The following VWA3A variants were observed in gnomAD, a reference collection of about 807,000 sequenced individuals.
VWA3A encodes the protein von Willebrand factor A domain containing 3A.
Under a neutral mutation model 160.4 loss-of-function variants are expected in VWA3A, and 134 were observed. The observed-to-expected ratio is 0.84, with a 90% CI of 0.73 to 0.96. The LOEUF (loss-of-function observed/expected upper bound fraction) is 0.96, where lower values mean the gene tolerates loss of function less well. VWA3A is among the 40% of genes least tolerant of loss of function. VWA3A has a pLI of 0.00. For missense variants in VWA3A, 1,310 were observed against 1,447.9 expected, an observed-to-expected ratio of 0.90 and a Z score of 1.55; for synonymous variants, 476 against 543.4, an observed-to-expected ratio of 0.88 and a Z score of 1.72.
rs1812079013 is a variant in VWA3A at position 22,156,710 on chromosome 16, C to G, written c.*693C>G. 1 of 152,190 alleles carries G rather than the reference C, an allele frequency of 6.6e-6. No homozygotes were observed. The highest frequency in any genetic ancestry group is 6.5e-5 in the Admixed American group (1 of 15,284). 9.4% of individuals were successfully genotyped at this position (152,190 alleles called of 1,614,324 possible). ...GAGGCTAATGCAGAGTCACAGTCAG[C>G]CCATCCTGGGGGAAGAAGAAACAAG... On this transcript the variant is annotated 3_prime_UTR_variant, in exon 34 of 34. Coordinates refer to ENST00000389398, the MANE Select transcript of VWA3A (RefSeq NM_173615.5).
intron 5 of VWA3A, among the ~76,000 whole-genome samples, chr16:22,102,596 C>T (rs2045423272): frequency 6.6e-6 from 1 of 152,150 alleles, no homozygotes; most frequent in African/African-American, 2.4e-5. Flanking sequence ...TCATTGCAAG[C>T]CAGGCATGCA....
rs1214863851 is a variant in VWA3A, at chr16:22,103,513, C to T, written c.467C>T (p.Thr156Ile). The change falls in exon 6 of 34, where the codon ACA (threonine) becomes ATA (isoleucine). Residue 156 changes from threonine to isoleucine, a missense_variant. Transcript: ENST00000389398. ...EVYQERIQWL[T>I]ENSKKAFGLI... Reference sequence around the variant, plus strand: ...TATCAAGAGAGAATTCAGTGGCTCACAGAAAACAGCAAGAAGGTAACGGGC... The same window carrying T: ...TATCAAGAGAGAATTCAGTGGCTCATAGAAAACAGCAAGAAGGTAACGGGC... 1.3e-6 allele frequency: 2 copies of T among 1,551,708 alleles called. No homozygotes were observed. The highest frequency in any genetic ancestry group is 4.9e-5 in the East Asian group (2 of 40,940).
intron 6 of VWA3A, among the ~76,000 whole-genome samples, chr16:22,105,285 A>G (rs1169041829): frequency 1.3e-5 from 2 of 151,996 alleles, no homozygotes; most frequent in African/African-American, 4.8e-5. Context: ...TCATCCTGCC[A>G]CCCCTTTCTG....
chr16:22,134,557 A>C, intron 21 of VWA3A, 119 bp downstream of exon 21: 6 of 838,662 alleles, frequency 7.2e-6, no homozygotes, highest in African/African-American at 1.7e-5. Context: ...TCACTTCCAG[A>C]GGCTGGAAGT....
chr16:22,096,839 G>A lies in VWA3A; in HGVS notation c.15-20G>A. 1 of 1,465,082 alleles carries A rather than the reference G, an allele frequency of 6.8e-7. No homozygotes were observed. Among genetic ancestry groups the A allele is most frequent in the Non-Finnish European group, 9.4e-7 (1 of 1,069,048 alleles). The allele number at this position is 1,465,082 out of a possible 1,614,324, so 90.8% of individuals were successfully genotyped here. A position where few individuals can be genotyped will look rare whatever the true frequency, so the allele number is the denominator to read the frequency against. ...GTATGCCACATTTATCCTGTTTTCT[G>A]GTATTCTTTTCTTCTTTAGGAAAAT... is the stretch of plus-strand genomic sequence containing the variant. On this transcript the variant is annotated intron_variant, in intron 1 of 33. Coordinates refer to ENST00000389398, the MANE Select transcript of VWA3A (RefSeq NM_173615.5).
chr16:22,132,217 C>A (rs560480009), intron 19 of VWA3A, among the ~76,000 whole-genome samples: 1 of 152,158 alleles, frequency 6.6e-6, no homozygotes, highest in African/African-American at 2.4e-5. Flanking sequence ...AACTCCATCT[C>A]TACTAAAAAT....
chr16:22,139,036 T>G (rs1369060731), intron 22 of VWA3A, among the ~76,000 whole-genome samples: 1 of 152,086 alleles, frequency 6.6e-6, no homozygotes, highest in Non-Finnish European at 1.5e-5. Context: ...CAGAGGCACC[T>G]GTGCTTGTGA....
chr16:22,128,131 G>A (rs1053712554), intron 17 of VWA3A, among the ~76,000 whole-genome samples: 2 of 152,154 alleles, frequency 1.3e-5, no homozygotes, highest in Non-Finnish European at 2.9e-5. Flanking sequence ...GAGAGATTGT[G>A]CATGACAGAA....
chr16:22,147,329 G>C (rs2046271406), intron 27 of VWA3A, among the ~76,000 whole-genome samples: 1 of 152,160 alleles, frequency 6.6e-6, no homozygotes, highest in African/African-American at 2.4e-5. Flanking sequence ...CCTCTTTACA[G>C]AGAGCACCAA....
In VWA3A at chr16:22,121,575, T is replaced by C. The variant is rs2045734764; in HGVS notation, c.1314T>C (p.Phe438=). 1 of 1,613,628 alleles carries C rather than the reference T, an allele frequency of 6.2e-7. No individual in the cohort carries two copies. Among genetic ancestry groups the C allele is most frequent in the African/African-American group, 1.3e-5 (1 of 74,922 alleles). The change falls in exon 14 of 34, where the codon TTT becomes TTC. Residue 438 remains phenylalanine, a synonymous_variant. Coordinates refer to ENST00000389398, the MANE Select transcript of VWA3A (RefSeq NM_173615.5). ...APNAFSPVEE[F]VPILQKTVSS... ...ATGCATTCTCTCCTGTGGAGGAATTTGTACCTATTCTCCAGAAAACAGTAT... is the reference window on the plus strand; with the variant it reads ...ATGCATTCTCTCCTGTGGAGGAATTCGTACCTATTCTCCAGAAAACAGTAT...
chr16:22,104,490 A>G (rs1200543392), intron 6 of VWA3A, among the ~76,000 whole-genome samples: 7 of 151,956 alleles, frequency 4.6e-5, no homozygotes, highest in African/African-American at 1.7e-4. Context: ...CTCCCTCTCA[A>G]AACAAACAAA....
intron 6 of VWA3A, among the ~76,000 whole-genome samples, chr16:22,107,048 G>C (rs1054694397): frequency 8.5e-5 from 13 of 152,344 alleles, no homozygotes; most frequent in Middle Eastern, 3.4e-3. Context: ...CATCCAGACA[G>C]AGAAGCGGAG....
At chr16:22,119,933 T>C (rs1034596533) in intron 12 of VWA3A, among the ~76,000 whole-genome samples, 4 of 151,420 alleles carry the variant, frequency 2.6e-5, no homozygotes, top group Admixed American at 6.6e-5. Context: ...CAGGAGAATC[T>C]CTTGAACCCA....
intron 3 of VWA3A, 93 bp downstream of exon 3, chr16:22,097,788 T>C: frequency 6.7e-7 from 1 of 1,483,270 alleles, no homozygotes; most frequent in East Asian, 2.5e-5. Flanking sequence ...TTCCTTCTCA[T>C]AGGATTCTAG....
intron 2 of VWA3A, 134 bp from the exon 3 acceptor site, chr16:22,097,438 A>AGGGCTTTAGTTATCTAAATAAT (rs2045344291): frequency 8.6e-7 from 1 of 1,165,592 alleles, no homozygotes; most frequent in African/African-American, 1.6e-5. Flanking sequence ...ACTCTGCAGG[A>AGGGCTTTAGTTATCTAAATAAT]ATCCTTCTCA....
rs11865633 is a variant in VWA3A, at chr16:22,136,895, G to A, written c.2140-1465G>A. Among the ~76,000 whole-genome samples, 1,159 of 142,614 alleles carry A rather than the reference G, an allele frequency of 8.1e-3. 10 individuals carry two copies. Among genetic ancestry groups the A allele is most frequent in the Middle Eastern group, 0.021 (6 of 282 alleles). 93.6% of individuals were successfully genotyped at this position (142,614 alleles called of 152,430 possible). A position where few individuals can be genotyped will look rare whatever the true frequency, so the allele number is the denominator to read the frequency against. ...AAAATACACACACACACACACACAC[G>A]CACACACACACACACACACACACGC... is the stretch of plus-strand genomic sequence containing the variant. On this transcript the variant is annotated intron_variant, in intron 21 of 33. Transcript: ENST00000389398.
chr16:22,123,533 C>A (rs1598071158), intron 15 of VWA3A, 80 bp from the exon 16 acceptor site: 3 of 1,610,884 alleles, frequency 1.9e-6, no homozygotes, highest in East Asian at 2.2e-5. Flanking sequence ...TGAAGCCCAC[C>A]CAGGTACACG....
At position 22,152,570 on chromosome 16, in the gene VWA3A, C is replaced by T. The variant is rs1296553288; in HGVS notation, c.3341C>T (p.Pro1114Leu). The part of the protein sequence containing the change: ...ASFTGGRYHC[P>L]VGEDTLSKIH... ...TTCACCGGCGGACGCTATCACTGCC[C>T]TGTGGGTGAGGACACACTCTCCAAA... The change falls in exon 31 of 34, where the codon CCT becomes CTT. Residue 1114 changes from proline to leucine, a missense_variant. Coordinates refer to ENST00000389398, the MANE Select transcript of VWA3A (RefSeq NM_173615.5). 1 of 1,612,218 alleles carries T rather than the reference C, an allele frequency of 6.2e-7. No homozygotes were observed.
Position 22,121,009 on chromosome 16 carries a change from G to A in VWA3A, c.1158G>A (p.Leu386=). The A allele has an allele frequency of 1.2e-6, 2 of 1,613,910 alleles. No individual in the cohort carries two copies. Among genetic ancestry groups the A allele is most frequent in the East Asian group, 2.2e-5 (1 of 44,888 alleles). The change falls in exon 13 of 34, where the codon TTG becomes TTA. Residue 386 remains leucine (L), a synonymous_variant. Coordinates refer to ENST00000389398, the MANE Select transcript of VWA3A (RefSeq NM_173615.5). ...CAAATGGGCCACTCATAAGCCTCTTGCCTAAACCCCCAAAGCATGACGCTC... is the reference window on the plus strand; with the variant it reads ...CAAATGGGCCACTCATAAGCCTCTTACCTAAACCCCCAAAGCATGACGCTC... The part of the protein sequence containing the change: ...EITNGPLISL[L]PKPPKHDAPL...
Sources: allele counts gnomAD v4.1 joint callset (sites outside exome capture counted in the v4.1 genomes callset), GRCh38; gene constraint gnomAD v4.1.1; transcripts MANE v1.5; gene names NCBI Gene and HGNC (gene_info 2026-07-23, HGNC 2026-07-21).